Variants in TSPAN9 observed in about 807,000 individuals in gnomAD.
The protein encoded by TSPAN9 is tetraspanin 9, also known as tetraspanin-9.
In TSPAN9, 16 loss-of-function variants were observed where a neutral mutation model predicts 31.0. The ratio of observed to expected loss-of-function variants is 0.52; its 90% CI spans 0.35 to 0.78. TSPAN9 has a LOEUF of 0.78. Among genes scored for constraint, TSPAN9 ranks in the 30% least tolerant of loss-of-function variants. The probability of loss-of-function intolerance (pLI) is 0.01; values close to 1 mark genes in which losing one functional copy is unlikely to be tolerated. For missense variants in TSPAN9, 272 were observed against 312.5 expected (o/e 0.87, Z 0.98); for synonymous variants, 145 against 121.6 (o/e 1.19, Z -1.27).
chr12:3,264,293 C>T (rs1281357339), intron 3 of TSPAN9, among the ~76,000 whole-genome samples: 1 of 152,196 alleles, frequency 6.6e-6, no homozygotes, highest in East Asian at 1.9e-4. Context: ...GGATTTGCCT[C>T]GGCCCCTTCT....
intron 2 of TSPAN9, among the ~76,000 whole-genome samples, chr12:3,177,731 C>T (rs1181047597): frequency 1.3e-5 from 2 of 152,246 alleles, no homozygotes; most frequent in African/African-American, 2.4e-5. Context: ...CCGCACCCAG[C>T]CTTAACCTGC....
chr12:3,102,659 G>T (rs552265094), intron 2 of TSPAN9, among the ~76,000 whole-genome samples: 3 of 151,944 alleles, frequency 2.0e-5, no homozygotes. Flanking sequence ...GGATGGTCTC[G>T]ATCTCCTGAC....
chr12:3,089,057 C>T (rs2098302373), intron 2 of TSPAN9, among the ~76,000 whole-genome samples: 1 of 151,568 alleles, frequency 6.6e-6, no homozygotes. Flanking sequence ...ACGGTGAAAC[C>T]CCATCTGTAC....
At chr12:3,220,918 T>C (rs2098384160) in intron 3 of TSPAN9, among the ~76,000 whole-genome samples, 1 of 152,162 alleles carries the variant, frequency 6.6e-6, no homozygotes, top group Non-Finnish European at 1.5e-5. Context: ...TTCCTGACTC[T>C]GGGGCCATCC....
chr12:3,133,067 T>A (rs12306464), intron 2 of TSPAN9, among the ~76,000 whole-genome samples: 1,911 of 152,246 alleles, frequency 0.013, 35 homozygotes, highest in African/African-American at 0.043. Context: ...GGGTTTACGG[T>A]TTCAGGCCTA....
intron 2 of TSPAN9, among the ~76,000 whole-genome samples, chr12:3,090,721 G>A (rs59731950): frequency 0.35 from 53,157 of 152,050 alleles, 11,213 homozygotes; most frequent in African/African-American, 0.58. Flanking sequence ...GGACGCGGAC[G>A]TGCGATCCCT....
intron 3 of TSPAN9, among the ~76,000 whole-genome samples, chr12:3,255,406 G>A (rs3782785): frequency 2.0e-5 from 3 of 152,188 alleles, no homozygotes; most frequent in South Asian, 2.1e-4. Context: ...TGGGAGCAGC[G>A]ATCAGGGCAA....
chr12:3,230,926 C>G (rs2098390409), intron 3 of TSPAN9, among the ~76,000 whole-genome samples: 2 of 152,192 alleles, frequency 1.3e-5, no homozygotes, highest in South Asian at 4.2e-4. Context: ...GATCTCAGTG[C>G]GTACCTTCCT....
At chr12:3,137,886 A>G (rs2098332839) in intron 2 of TSPAN9, among the ~76,000 whole-genome samples, 1 of 151,834 alleles carries the variant, frequency 6.6e-6, no homozygotes, top group South Asian at 2.1e-4. Flanking sequence ...CCCTCGTCCT[A>G]TCCCAGGCCC....
chr12:3,120,220 C>T (rs368305812), intron 2 of TSPAN9, among the ~76,000 whole-genome samples: 2 of 152,168 alleles, frequency 1.3e-5, no homozygotes, highest in East Asian at 1.9e-4. Flanking sequence ...AGCCCTCAAG[C>T]GTGGAAAGTT....
At chr12:3,200,448 C>A (rs1042464882) in intron 2 of TSPAN9, 2 of 152,336 alleles carry the variant, frequency 1.3e-5, no homozygotes, top group Non-Finnish European at 2.9e-5. Context: ...CGCAAAGTCG[C>A]GGAACGAGAG....
intron 2 of TSPAN9, among the ~76,000 whole-genome samples, chr12:3,171,248 C>T (rs2098351686): frequency 6.6e-6 from 1 of 152,108 alleles, no homozygotes; most frequent in Non-Finnish European, 1.5e-5. Context: ...TTATTTGTCA[C>T]CCTCATGTCC....
chr12:3,160,182 A>G (rs2098344314), intron 2 of TSPAN9, among the ~76,000 whole-genome samples: 1 of 152,338 alleles, frequency 6.6e-6, no homozygotes, highest in East Asian at 1.9e-4. Flanking sequence ...AAATGGAATC[A>G]TGTAATACGG....
chr12:3,108,574 G>C (rs150764160), intron 2 of TSPAN9, among the ~76,000 whole-genome samples: 1 of 152,194 alleles, frequency 6.6e-6, no homozygotes, highest in African/African-American at 2.4e-5. Flanking sequence ...GGATCCTTTC[G>C]ATCTTGAAAC....
At chr12:3,215,350 T>C (rs1288739203) in intron 3 of TSPAN9, 4 of 152,198 alleles carry the variant, frequency 2.6e-5, no homozygotes, top group Non-Finnish European at 5.9e-5. Flanking sequence ...CTTCAGCTTC[T>C]CCTCGGTAAG....
In TSPAN9 at chr12:3,147,197, G is replaced by A. The variant is rs114025898; in HGVS notation, c.-17-53980G>A. ...GGAGCCCTGGCCCTCTGCAGGTCAC[G>A]CTCCAGCCTGGAACCCAGGTGAGGT... On this transcript the variant is annotated intron_variant, in intron 2 of 8. Transcript: ENST00000011898. The surrounding 1 kb of genome is among the most constrained non-coding windows in gnomAD (Gnocchi z 4.3). Among the ~76,000 whole-genome samples the A allele has an allele frequency of 0.01, 1,541 of 152,200 alleles. 44 individuals carry two copies. The highest frequency in any genetic ancestry group is 0.035 in the African/African-American group (1,457 of 41,532).
At chr12:3,177,910 G>A (rs1307704029) in intron 2 of TSPAN9, among the ~76,000 whole-genome samples, 5 of 152,162 alleles carry the variant, frequency 3.3e-5, no homozygotes, top group African/African-American at 1.2e-4. Context: ...GTCCTCGTCC[G>A]CCAGGGTGTG....
intron 3 of TSPAN9, among the ~76,000 whole-genome samples, chr12:3,245,563 A>G (rs994847852): frequency 6.6e-6 from 1 of 152,100 alleles, no homozygotes; most frequent in Admixed American, 6.5e-5. Context: ...GCCACCTGTA[A>G]ACTGAGGAGG....
At chr12:3,253,014 G>A (rs947786580) in intron 3 of TSPAN9, among the ~76,000 whole-genome samples, 13 of 152,114 alleles carry the variant, frequency 8.5e-5, no homozygotes, top group Non-Finnish European at 1.8e-4. Flanking sequence ...TGGCGTGTCC[G>A]AGTGAGCCAC....
Sources: allele counts gnomAD v4.1 joint callset (sites outside exome capture counted in the v4.1 genomes callset), GRCh38; gene constraint gnomAD v4.1.1; non-coding constraint Gnocchi (gnomAD v3.1); transcripts MANE v1.5; gene names NCBI Gene and HGNC (gene_info 2026-07-23, HGNC 2026-07-21).